LRRC4C: variants seen among roughly 807,000 people sequenced by gnomAD.
LRRC4C encodes the protein leucine-rich repeat-containing protein 4C.
A neutral mutation model predicts 33.6 loss-of-function variants in LRRC4C; 5 were observed. The ratio of observed to expected loss-of-function variants is 0.15; its 90% CI spans 0.08 to 0.31. The LOEUF (loss-of-function observed/expected upper bound fraction) is 0.31, where lower values mean the gene tolerates loss of function less well. LRRC4C is among the 10% of genes least tolerant of loss of function. The pLI is 1.00. For synonymous variants in LRRC4C, 329 were observed against 302.0 expected (o/e 1.09, Z -0.93); for missense variants, 560 against 796.7 (o/e 0.70, Z 3.58).
At chr11:40,574,352 A>G (rs1958098775) in intron 3 of LRRC4C, among the ~76,000 whole-genome samples, 1 of 152,204 alleles carries the variant, frequency 6.6e-6, no homozygotes, top group South Asian at 2.1e-4. Flanking sequence ...AAGCCCTGAC[A>G]TGGGAAGCTG....
chr11:41,186,479 T>C (rs964856148), intron 1 of LRRC4C, among the ~76,000 whole-genome samples: 1 of 152,172 alleles, frequency 6.6e-6, no homozygotes, highest in Admixed American at 6.5e-5. Flanking sequence ...TTTAGAAAAA[T>C]TAAACTTATA....
rs542774604 is a variant in LRRC4C, at chr11:40,500,788, C to T, written c.-270+147354G>A. ...ATATCATTTCACACCTTGCCCCTGC[C>T]AAATCTCATGTCCTCAAATTTCAAA... is the stretch of plus-strand genomic sequence containing the variant. On this transcript the variant is annotated intron_variant, in intron 3 of 6. Transcript: ENST00000528697. Among the ~76,000 whole-genome samples, 4 of 152,070 alleles carry T rather than the reference C, an allele frequency of 2.6e-5. No individual in the cohort carries two copies. The South Asian group carries it at 8.3e-4, about 32-fold the overall frequency.
chr11:40,876,189 C>A (rs1203037325), intron 2 of LRRC4C, among the ~76,000 whole-genome samples: 1 of 150,248 alleles, frequency 6.7e-6, no homozygotes. Flanking sequence ...TGATCCTCTT[C>A]TAGTACCAAC....
intron 1 of LRRC4C, among the ~76,000 whole-genome samples, chr11:41,028,815 C>A (rs1228227096): frequency 2.6e-5 from 4 of 151,282 alleles, no homozygotes; most frequent in Non-Finnish European, 4.4e-5. Context: ...ATTACTTGAT[C>A]TTTTCTACTG....
Position 40,647,749 on chromosome 11 carries a change from G to A in LRRC4C, c.-270+393C>T, listed in dbSNP as rs554360941. On this transcript the variant is annotated intron_variant, in intron 3 of 6. Transcript: ENST00000528697. ...GCCCCAGTTTCAAAGAAAAGGAGCT[G>A]GGGCATCACCATTTGCCTGCCTGTT... 3.9e-5 allele frequency among the ~76,000 whole-genome samples: 6 copies of A among 152,250 alleles called. No homozygotes were observed. The South Asian group carries it at 8.3e-4, about 21-fold the overall frequency.
intron 4 of LRRC4C, among the ~76,000 whole-genome samples, chr11:40,304,815 T>A (rs1471406815): frequency 6.6e-6 from 1 of 151,264 alleles, no homozygotes; most frequent in East Asian, 2.0e-4. Context: ...CACTGCAACC[T>A]CTGCCTCTTG....
In LRRC4C at chr11:40,195,085, C is replaced by T. The variant is rs1313748965; in HGVS notation, c.-96+46434G>A. On this transcript the variant is annotated intron_variant, in intron 5 of 6. Coordinates refer to ENST00000528697, the MANE Select transcript of LRRC4C (RefSeq NM_001258419.2). Reference sequence around the variant, plus strand: ...CAGCCTGGGCGACAGAGTGAGACTCCGTCTCAAAGAAAAAAAAAAAGAAAG... The same window carrying T: ...CAGCCTGGGCGACAGAGTGAGACTCTGTCTCAAAGAAAAAAAAAAAGAAAG... 6.6e-5 allele frequency among the ~76,000 whole-genome samples: 10 copies of T among 150,440 alleles called. No homozygotes were observed. The South Asian group carries it at 1.7e-3, about 25-fold the overall frequency.
chr11:41,005,889 C>A (rs746261977), intron 1 of LRRC4C, among the ~76,000 whole-genome samples: 1 of 152,100 alleles, frequency 6.6e-6, no homozygotes. Context: ...AGAGAAAACA[C>A]TTCTTAATAA....
At chr11:40,806,491 A>T (rs11036084) in intron 2 of LRRC4C, among the ~76,000 whole-genome samples, 15,189 of 152,148 alleles carry the variant, frequency 0.1, 2,140 homozygotes, top group African/African-American at 0.32. Context: ...TTTAGGACTT[A>T]ACCTCTGAAG....
intron 1 of LRRC4C, among the ~76,000 whole-genome samples, chr11:41,379,230 G>A (rs897053290): frequency 2.0e-5 from 3 of 152,052 alleles, no homozygotes; most frequent in Admixed American, 6.6e-5. Flanking sequence ...GCCTGCATAT[G>A]GTTCAAAACA....
intron 2 of LRRC4C, among the ~76,000 whole-genome samples, chr11:40,789,124 T>G (rs1373735341): frequency 6.7e-6 from 1 of 148,546 alleles, no homozygotes; most frequent in Admixed American, 6.7e-5. Flanking sequence ...AAAAGCATAT[T>G]ATAAACTTAT....
intron 1 of LRRC4C, among the ~76,000 whole-genome samples, chr11:41,198,940 A>G (rs1210865725): frequency 6.6e-6 from 1 of 152,138 alleles, no homozygotes; most frequent in Non-Finnish European, 1.5e-5. Context: ...TTTTATCCAC[A>G]TAAGAAAATC....
chr11:40,727,420 G>A (rs932802914), intron 2 of LRRC4C, among the ~76,000 whole-genome samples: 1 of 152,058 alleles, frequency 6.6e-6, no homozygotes, highest in African/African-American at 2.4e-5. Context: ...ATTAACTCAA[G>A]ATGAATTAAA....
intron 3 of LRRC4C, among the ~76,000 whole-genome samples, chr11:40,574,221 G>T (rs1958092137): frequency 6.6e-6 from 1 of 152,086 alleles, no homozygotes; most frequent in African/African-American, 2.4e-5. Flanking sequence ...GACTTTCTTT[G>T]CTCTCAGTAA....
intron 1 of LRRC4C, among the ~76,000 whole-genome samples, chr11:40,947,244 CA>C (rs1471573076): frequency 6.6e-6 from 1 of 151,932 alleles, no homozygotes; most frequent in Non-Finnish European, 1.5e-5. Flanking sequence ...ATTTGATTCC[CA>C]ATTGTAAAAC....
intron 3 of LRRC4C, among the ~76,000 whole-genome samples, chr11:40,375,145 G>C (rs1555037408): frequency 6.6e-6 from 1 of 152,086 alleles, no homozygotes; most frequent in African/African-American, 2.4e-5. Flanking sequence ...TAACTTTAAG[G>C]CTCTGTAGTC....
chr11:41,240,977 G>C (rs942421396), intron 1 of LRRC4C, among the ~76,000 whole-genome samples: 3 of 152,154 alleles, frequency 2.0e-5, no homozygotes, highest in Non-Finnish European at 4.4e-5. Context: ...ACTGTGGAAA[G>C]ACATGGATTT....
intron 1 of LRRC4C, among the ~76,000 whole-genome samples, chr11:40,958,236 C>T (rs942149437): frequency 2.0e-5 from 3 of 151,808 alleles, no homozygotes; most frequent in Admixed American, 6.6e-5. Flanking sequence ...GCAGCTCAAA[C>T]AAACTAAGAC....
chr11:40,369,194 A>T (rs1948342375), intron 3 of LRRC4C, among the ~76,000 whole-genome samples: 2 of 152,190 alleles, frequency 1.3e-5, no homozygotes, highest in African/African-American at 4.8e-5. Context: ...GTTGACTCCA[A>T]ATGAGAATTA....
Sources: gnomAD v4.1 joint callset for allele counts (sites outside exome capture counted in the v4.1 genomes callset) on GRCh38, gnomAD v4.1.1 for gene constraint, MANE v1.5 for transcripts, NCBI Gene and HGNC (gene_info 2026-07-23, HGNC 2026-07-21) for gene names.